Variants in ZNF891 observed in about 807,000 individuals in gnomAD.
The protein encoded by ZNF891 is hCG1646157.
For missense variants in ZNF891, 589 were observed against 632.7 expected (o/e 0.93, Z 0.74); for synonymous variants, 199 against 209.0 (o/e 0.95, Z 0.41).
chr12:133,124,951 T>A (rs926256550), intron 1 of ZNF891, among the ~76,000 whole-genome samples: 1 of 151,286 alleles, frequency 6.6e-6, no homozygotes. Context: ...GGAAACAATG[T>A]AAGAAACAGA....
At position 133,106,039 on chromosome 12, in the gene ZNF891, T is replaced by C. The variant is rs962773092; in HGVS notation, c.*14245A>G. 11 of 1,614,016 alleles carry C rather than the reference T, an allele frequency of 6.8e-6. No individual in the cohort carries two copies. Among genetic ancestry groups the C allele is most frequent in the African/African-American group, 5.3e-5 (4 of 74,904 alleles). On this transcript the variant is annotated 3_prime_UTR_variant, in exon 2 of 2. Transcript: ENST00000537226. ...AATGTACTGAGTGTGGAAAGGCCTT[T>C]AGCCGTGCCTCCAACCTCACTCGAC...
chr12:133,115,305 A>G lies in ZNF891; in HGVS notation c.*4979T>C, dbSNP rs1955709237. On this transcript the variant is annotated 3_prime_UTR_variant, in exon 2 of 2. Transcript: ENST00000537226. ...CTACTTGGGAGGCTGAGGCAGGAGA[A>G]TTGCTTGAACCCAGGAGGCAGAGGT... The G allele has an allele frequency of 1.4e-5, 2 of 146,216 alleles. No individual in the cohort carries two copies. Among genetic ancestry groups the G allele is most frequent in the African/African-American group, 2.5e-5 (1 of 40,038 alleles). 9.1% of individuals were successfully genotyped at this position (146,216 alleles called of 1,614,324 possible).
In ZNF891 at chr12:133,121,679, G is replaced by C. The variant is rs950714635; in HGVS notation, c.240C>G (p.Thr80=). The C allele has an allele frequency of 6.5e-6, 10 of 1,536,254 alleles. No homozygotes were observed. The African/African-American group carries it at 6.8e-5, about 11-fold the overall frequency. The change falls in exon 2 of 2, where the codon ACC becomes ACG. Residue 80 remains threonine, a synonymous_variant. Coordinates refer to ENST00000537226, the MANE Select transcript of ZNF891 (RefSeq NM_001277291.2). ...GCCTGTACAACTGATATTCCACGGA[G>C]GTGAGATTTCTATAGTTTTCCAACA... ...DVMLENYRNL[T]SVEYQLYRLT... is the part of the protein sequence containing the mutation.
rs1295413907 is a variant in ZNF891, at chr12:133,107,659, G to A, written c.*12625C>T. 1 of 147,452 alleles carries A rather than the reference G, an allele frequency of 6.8e-6. No individual in the cohort carries two copies. The allele number at this position is 147,452 out of a possible 1,614,324, so 9.1% of individuals were successfully genotyped here. A position where few individuals can be genotyped will look rare whatever the true frequency, so the allele number is the denominator to read the frequency against. On this transcript the variant is annotated 3_prime_UTR_variant, in exon 2 of 2. Coordinates refer to ENST00000537226, the MANE Select transcript of ZNF891 (RefSeq NM_001277291.2). ...GTTATTCAGTGTGAAACAAATATAAGATACATCACAGAAAATTACCAAGGT... is the reference window on the plus strand; with the variant it reads ...GTTATTCAGTGTGAAACAAATATAAAATACATCACAGAAAATTACCAAGGT...
In ZNF891 at chr12:133,105,774, G is replaced by A. The variant is rs1362165929; in HGVS notation, c.*14510C>T. On this transcript the variant is annotated 3_prime_UTR_variant, in exon 2 of 2. Coordinates refer to ENST00000537226, the MANE Select transcript of ZNF891 (RefSeq NM_001277291.2). ...GAGAGGCCCTATGGATGCCATGAAT[G>A]TGGAAAAACTTTTGGTCGACGCTTT... is the stretch of plus-strand genomic sequence containing the variant. 2 of 1,614,070 alleles carry A rather than the reference G, an allele frequency of 1.2e-6. No individual in the cohort carries two copies. Among genetic ancestry groups the A allele is most frequent in the African/African-American group, 2.7e-5 (2 of 74,928 alleles).
rs750446685 is a variant in ZNF891, at chr12:133,106,404, C to G, written c.*13880G>C. ...TGGCATGCATCCCTTATTCAACATA[C>G]GAAGAGTCACACTGGAGAGAAACCC... On this transcript the variant is annotated 3_prime_UTR_variant, in exon 2 of 2. Transcript: ENST00000537226. 2 of 1,613,936 alleles carry G rather than the reference C, an allele frequency of 1.2e-6. No homozygotes were observed. Among genetic ancestry groups the G allele is most frequent in the Admixed American group, 1.7e-5 (1 of 60,000 alleles).
rs749465494 is a variant in ZNF891, at chr12:133,114,224, G to A, written c.*6060C>T. 3.9e-5 allele frequency: 6 copies of A among 152,080 alleles called. No homozygotes were observed. The highest frequency in any genetic ancestry group is 8.8e-5 in the Non-Finnish European group (6 of 68,018). The allele number at this position is 152,080 out of a possible 1,614,324, so 9.4% of individuals were successfully genotyped here. A position where few individuals can be genotyped will look rare whatever the true frequency, so the allele number is the denominator to read the frequency against. On this transcript the variant is annotated 3_prime_UTR_variant, in exon 2 of 2. Transcript: ENST00000537226. Reference sequence around the variant, plus strand: ...GAAGAGAGGAGAAGGACTAGGAGAGGGACATAATATAAATAACATTAAACT... The same window carrying A: ...GAAGAGAGGAGAAGGACTAGGAGAGAGACATAATATAAATAACATTAAACT...
rs1392274044 is a variant in ZNF891 at position 133,110,225 on chromosome 12, A to G, written c.*10059T>C. The G allele has an allele frequency of 6.6e-6, 1 of 152,246 alleles. No individual in the cohort carries two copies. The highest frequency in any genetic ancestry group is 1.5e-5 in the Non-Finnish European group (1 of 68,048). 9.4% of individuals were successfully genotyped at this position (152,246 alleles called of 1,614,324 possible). A position where few individuals can be genotyped will look rare whatever the true frequency, so the allele number is the denominator to read the frequency against. ...GTAAATAGCACGACAATAGCACAAG[A>G]AAGGAGGGAGACGTTTAAAAGATGA... On this transcript the variant is annotated 3_prime_UTR_variant, in exon 2 of 2. Transcript: ENST00000537226.
rs1429076993 is a variant in ZNF891, at chr12:133,120,727, G to C, written c.1192C>G (p.His398Asp). ...CATTCATAAGGTTTCTCTCCAGTGT[G>C]AGTTCTCATGTGAGCCTTAAGGGAT... Reference protein sequence around the residue: ...KTSLKAHMRTHTGEKPYECNQ... With the variant: ...KTSLKAHMRTDTGEKPYECNQ... The change falls in exon 2 of 2, where the codon CAC becomes GAC. Residue 398 changes from histidine (H) to aspartate (D), a missense_variant. His to Asp is a moderately conservative substitution (Grantham distance 81). Transcript: ENST00000537226. 6.4e-7 allele frequency: 1 copy of C among 1,567,514 alleles called. No individual in the cohort carries two copies.
In ZNF891 at chr12:133,109,805, G is replaced by A. The variant is rs914512773; in HGVS notation, c.*10479C>T. The A allele has an allele frequency of 6.6e-6, 1 of 152,170 alleles. No individual in the cohort carries two copies. Among genetic ancestry groups the A allele is most frequent in the Non-Finnish European group, 1.5e-5 (1 of 68,034 alleles). The allele number at this position is 152,170 out of a possible 1,614,324, so 9.4% of individuals were successfully genotyped here. Reference sequence around the variant, plus strand: ...GTTGATAAATACAAGTCAGGTGTTGGGAAATTATGGTCTATGGACCAAATC... The same window carrying A: ...GTTGATAAATACAAGTCAGGTGTTGAGAAATTATGGTCTATGGACCAAATC... On this transcript the variant is annotated 3_prime_UTR_variant, in exon 2 of 2. Transcript: ENST00000537226.
intron 1 of ZNF891, among the ~76,000 whole-genome samples, chr12:133,124,517 C>G (rs371137670): frequency 1.3e-5 from 2 of 151,898 alleles, no homozygotes; most frequent in East Asian, 3.9e-4. Context: ...CAGCTACCAG[C>G]TACACTGAAG....
rs1202038873 is a variant in ZNF891, at chr12:133,113,299, T to TG, written c.*6984dup. 1 of 152,004 alleles carries TG rather than the reference T, an allele frequency of 6.6e-6. No individual in the cohort carries two copies. The highest frequency in any genetic ancestry group is 2.4e-5 in the African/African-American group (1 of 41,416). 9.4% of individuals were successfully genotyped at this position (152,004 alleles called of 1,614,324 possible). On this transcript the variant is annotated 3_prime_UTR_variant, in exon 2 of 2. Transcript: ENST00000537226. ...ATTTTTAAGAAATAGACCACAGCTC[T>TG]GTTCACTAAACTAGACATCTTAAAA...
rs1037077272 is a variant in ZNF891 at position 133,130,212 on chromosome 12, G to C, written c.-107+15C>G. On this transcript the variant is annotated intron_variant, in intron 1 of 1. Transcript: ENST00000537226. Reference sequence around the variant, plus strand: ...ACTTGTCCCGGGTGAACGAGCCACAGGCCCGCATGCTCACCCGTCCTCAGT... The same window carrying C: ...ACTTGTCCCGGGTGAACGAGCCACACGCCCGCATGCTCACCCGTCCTCAGT... 1 of 152,352 alleles carries C rather than the reference G, an allele frequency of 6.6e-6. No individual in the cohort carries two copies. Among genetic ancestry groups the C allele is most frequent in the Non-Finnish European group, 1.5e-5 (1 of 68,120 alleles). The allele number at this position is 152,352 out of a possible 1,614,324, so 9.4% of individuals were successfully genotyped here. A position where few individuals can be genotyped will look rare whatever the true frequency, so the allele number is the denominator to read the frequency against.
rs557093474 is a variant in ZNF891 at position 133,127,816 on chromosome 12, A to G, written c.-107+2411T>C. The stretch of plus-strand genomic sequence containing the variant: ...GGATGTCCAGGAAAGGAGAAAAGTG[A>G]TAAGACTGTATGACAGATTAGCCCT... On this transcript the variant is annotated intron_variant, in intron 1 of 1. Coordinates refer to ENST00000537226, the MANE Select transcript of ZNF891 (RefSeq NM_001277291.2). 3.3e-4 allele frequency among the ~76,000 whole-genome samples: 50 copies of G among 152,344 alleles called. No homozygotes were observed. In the South Asian group the frequency reaches 8.9e-3, roughly 27 times the overall value.
rs1955725548 is a variant in ZNF891 at position 133,118,045 on chromosome 12, C to T, written c.*2239G>A. ...CACTGCAACCTCTGCCTCCCAGGTT[C>T]AAGTGATTCTTCTGCCTCAGCTCCT... On this transcript the variant is annotated 3_prime_UTR_variant, in exon 2 of 2. Coordinates refer to ENST00000537226, the MANE Select transcript of ZNF891 (RefSeq NM_001277291.2). 6.7e-6 allele frequency: 1 copy of T among 149,104 alleles called. No individual in the cohort carries two copies. The highest frequency in any genetic ancestry group is 2.1e-4 in the South Asian group (1 of 4,676). The allele number at this position is 149,104 out of a possible 1,614,324, so 9.2% of individuals were successfully genotyped here. A position where few individuals can be genotyped will look rare whatever the true frequency, so the allele number is the denominator to read the frequency against.
In ZNF891 at chr12:133,106,899, AT is replaced by A; in HGVS notation, c.*13384del. 1 of 321,764 alleles carries A rather than the reference AT, an allele frequency of 3.1e-6. No homozygotes were observed. Among genetic ancestry groups the A allele is most frequent in the Non-Finnish European group, 5.7e-6 (1 of 175,444 alleles). The allele number at this position is 321,764 out of a possible 1,614,324, so 19.9% of individuals were successfully genotyped here. ...TCAATATTGTTGAGAAGATTCTTCC[AT>A]CTGGTAATGTTGAGAAGACTTCATT... On this transcript the variant is annotated 3_prime_UTR_variant, in exon 2 of 2. Coordinates refer to ENST00000537226, the MANE Select transcript of ZNF891 (RefSeq NM_001277291.2).
rs944582325 is a variant in ZNF891 at position 133,108,901 on chromosome 12, C to T, written c.*11383G>A. The T allele has an allele frequency of 6.6e-6, 1 of 152,222 alleles. No individual in the cohort carries two copies. Among genetic ancestry groups the T allele is most frequent in the Admixed American group, 6.5e-5 (1 of 15,278 alleles). The allele number at this position is 152,222 out of a possible 1,614,324, so 9.4% of individuals were successfully genotyped here. ...AAAACTACCATTGTAATAAGTGTAG[C>T]AAAATCTTCTTAGATATCTGAAAAG... On this transcript the variant is annotated 3_prime_UTR_variant, in exon 2 of 2. Coordinates refer to ENST00000537226, the MANE Select transcript of ZNF891 (RefSeq NM_001277291.2).
At position 133,119,208 on chromosome 12, in the gene ZNF891, T is replaced by A. The variant is rs950794517; in HGVS notation, c.*1076A>T. On this transcript the variant is annotated 3_prime_UTR_variant, in exon 2 of 2. Transcript: ENST00000537226. ...GCATTCTAGCCTGAGAGACAGAGACTCTGTCTGAAAAATTGAAAAAAAAAA... is the reference window on the plus strand; with the variant it reads ...GCATTCTAGCCTGAGAGACAGAGACACTGTCTGAAAAATTGAAAAAAAAAA... The A allele has an allele frequency of 1.3e-5, 2 of 150,280 alleles. No individual in the cohort carries two copies. Among genetic ancestry groups the A allele is most frequent in the African/African-American group, 4.9e-5 (2 of 40,940 alleles). The allele number at this position is 150,280 out of a possible 1,614,324, so 9.3% of individuals were successfully genotyped here. A position where few individuals can be genotyped will look rare whatever the true frequency, so the allele number is the denominator to read the frequency against.
chr12:133,127,921 A>T (rs1210361023), intron 1 of ZNF891, among the ~76,000 whole-genome samples: 1 of 152,258 alleles, frequency 6.6e-6, no homozygotes, highest in Non-Finnish European at 1.5e-5. Context: ...AGTCATTAAA[A>T]ACAAGAAAGG....
Sources: allele counts gnomAD v4.1 joint callset (sites outside exome capture counted in the v4.1 genomes callset), GRCh38; gene constraint gnomAD v4.1.1; transcripts MANE v1.5; gene names NCBI Gene and HGNC (gene_info 2026-07-23, HGNC 2026-07-21).